DPYD: variants seen among roughly 807,000 people sequenced by gnomAD.
The protein encoded by DPYD is dihydropyrimidine dehydrogenase, also known as dihydropyrimidine dehydrogenase [NADP(+)].
In DPYD, 109 loss-of-function variants were observed where a neutral mutation model predicts 116.2. That is an observed-to-expected ratio of 0.94 (90% CI 0.80 to 1.10). DPYD has a LOEUF of 1.10. Among genes scored for constraint, DPYD ranks in the 50% least tolerant of loss-of-function variants. The pLI is 0.00. For missense variants in DPYD, 1,302 were observed against 1,254.5 expected, an observed-to-expected ratio of 1.04 and a Z score of -0.57; for synonymous variants, 440 against 432.0, an observed-to-expected ratio of 1.02 and a Z score of -0.23.
intron 1 of DPYD, among the ~76,000 whole-genome samples, chr1:97,886,531 G>C (rs1437684749): frequency 6.6e-6 from 1 of 152,052 alleles, no homozygotes; most frequent in Non-Finnish European, 1.5e-5. Context: ...GAGAGGACTA[G>C]AGGCTATTGC....
At chr1:97,176,890 G>A (rs1657307647) in intron 20 of DPYD, among the ~76,000 whole-genome samples, 1 of 131,102 alleles carries the variant, frequency 7.6e-6, no homozygotes, top group Admixed American at 7.3e-5. Context: ...GTGTGTGTGT[G>A]TGTGTGTAGG....
intron 2 of DPYD, among the ~76,000 whole-genome samples, chr1:97,828,668 T>C (rs987070352): frequency 7.7e-5 from 11 of 143,450 alleles, no homozygotes; most frequent in African/African-American, 2.3e-4. Context: ...AGAGCACAGA[T>C]ATAATAATAA....
At chr1:97,402,627 C>T (rs1673436775) in intron 14 of DPYD, among the ~76,000 whole-genome samples, 1 of 151,964 alleles carries the variant, frequency 6.6e-6, no homozygotes, top group African/African-American at 2.4e-5. Flanking sequence ...GTCTTATTAG[C>T]TAGAAGTTCC....
chr1:97,790,145 T>TC (rs1192524396), intron 3 of DPYD, among the ~76,000 whole-genome samples: 2 of 152,092 alleles, frequency 1.3e-5, no homozygotes, highest in Non-Finnish European at 2.9e-5. Flanking sequence ...TCATCTGGAA[T>TC]CCCCACACTG....
chr1:97,463,452 T>C (rs2101829572), intron 13 of DPYD, among the ~76,000 whole-genome samples: 1 of 152,278 alleles, frequency 6.6e-6, no homozygotes, highest in Non-Finnish European at 1.5e-5. Context: ...TGCCCAGTCT[T>C]GGGTGTGTAT....
intron 12 of DPYD, among the ~76,000 whole-genome samples, chr1:97,532,478 G>T (rs1261651467): frequency 2.6e-5 from 4 of 152,142 alleles, no homozygotes; most frequent in Non-Finnish European, 5.9e-5. Flanking sequence ...TAAATGTACA[G>T]TAAAATTAAC....
intron 14 of DPYD, among the ~76,000 whole-genome samples, chr1:97,446,854 A>G (rs1351584514): frequency 6.6e-6 from 1 of 152,172 alleles, no homozygotes; most frequent in East Asian, 1.9e-4. Context: ...TTTAATAATA[A>G]GCATTACAAA....
intron 19 of DPYD, among the ~76,000 whole-genome samples, chr1:97,199,444 A>G (rs917252697): frequency 2.0e-5 from 3 of 152,190 alleles, no homozygotes; most frequent in Admixed American, 2.0e-4. Flanking sequence ...CTAAAAGGCA[A>G]CATACTTAAG....
intron 16 of DPYD, among the ~76,000 whole-genome samples, chr1:97,311,527 A>G (rs1035511425): frequency 3.3e-5 from 5 of 151,730 alleles, no homozygotes; most frequent in Admixed American, 2.6e-4. Flanking sequence ...GGGAAAGTCA[A>G]TACACCCTGG....
At chr1:97,562,411 T>C (rs1029290734) in intron 11 of DPYD, among the ~76,000 whole-genome samples, 7 of 152,218 alleles carry the variant, frequency 4.6e-5, no homozygotes, top group Non-Finnish European at 5.9e-5. Flanking sequence ...TGCAACATGC[T>C]TGCCATTCTT....
chr1:97,874,441 T>A (rs573540892), intron 2 of DPYD, among the ~76,000 whole-genome samples: 2 of 152,016 alleles, frequency 1.3e-5, no homozygotes, highest in South Asian at 2.1e-4. Context: ...CAGAACTAGG[T>A]GCATACAGGG....
intron 20 of DPYD, among the ~76,000 whole-genome samples, chr1:97,180,288 G>C (rs1433862734): frequency 6.6e-6 from 1 of 152,042 alleles, no homozygotes; most frequent in Non-Finnish European, 1.5e-5. Context: ...ATAATTACCA[G>C]AAAATTGTAT....
chr1:97,142,741 G>A (rs1469645375), intron 20 of DPYD, among the ~76,000 whole-genome samples: 3 of 151,930 alleles, frequency 2.0e-5, no homozygotes, highest in African/African-American at 7.2e-5. Context: ...GCTAAATAAT[G>A]CCAGCTCTTT....
At chr1:97,612,413 AC>A (rs1477898161) in intron 8 of DPYD, among the ~76,000 whole-genome samples, 1 of 152,054 alleles carries the variant, frequency 6.6e-6, no homozygotes, top group African/African-American at 2.4e-5. Context: ...AAAAATTAAT[AC>A]TTTACATATG....
At chr1:97,778,983 T>C (rs563648919) in intron 3 of DPYD, among the ~76,000 whole-genome samples, 32 of 152,242 alleles carry the variant, frequency 2.1e-4, no homozygotes, top group South Asian at 4.1e-4. Flanking sequence ...TTTCAGAATA[T>C]TCTGTTATAA....
At chr1:97,814,377 A>T (rs1244095095) in intron 3 of DPYD, among the ~76,000 whole-genome samples, 1 of 152,180 alleles carries the variant, frequency 6.6e-6, no homozygotes, top group Non-Finnish European at 1.5e-5. Context: ...TTGGAGAGAA[A>T]GGTCACAATT....
At chr1:97,107,614 A>C (rs1194198610) in intron 20 of DPYD, among the ~76,000 whole-genome samples, 1 of 152,102 alleles carries the variant, frequency 6.6e-6, no homozygotes, top group African/African-American at 2.4e-5. Flanking sequence ...ACATGAGTAC[A>C]TTATCTCTTC....
At chr1:97,094,252 C>T (rs772827579) in intron 21 of DPYD, among the ~76,000 whole-genome samples, 17 of 152,054 alleles carry the variant, frequency 1.1e-4, no homozygotes, top group Non-Finnish European at 2.4e-4. Flanking sequence ...CTTAGGATTA[C>T]GGTTACAATG....
chr1:97,253,140 T>G (rs1663217719), intron 18 of DPYD, among the ~76,000 whole-genome samples: 1 of 152,166 alleles, frequency 6.6e-6, no homozygotes, highest in Non-Finnish European at 1.5e-5. Flanking sequence ...CTAACAAGTT[T>G]AATTATTCAC....
Sources: allele counts gnomAD v4.1 joint callset (sites outside exome capture counted in the v4.1 genomes callset), GRCh38; gene constraint gnomAD v4.1.1; transcripts MANE v1.5; gene names NCBI Gene and HGNC (gene_info 2026-07-23, HGNC 2026-07-21).